PNPLA7: variants seen among roughly 807,000 people sequenced by gnomAD.
PNPLA7 encodes patatin-like phospholipase domain-containing protein 7.
PNPLA7 carries 153 observed loss-of-function variants against 161.7 expected under a neutral mutation model. That is an observed-to-expected ratio of 0.95 (90% CI 0.83 to 1.08). PNPLA7 has a LOEUF of 1.08. PNPLA7 is among the 50% of genes least tolerant of loss of function. The probability of loss-of-function intolerance (pLI) is 0.00; values close to 1 mark genes in which losing one functional copy is unlikely to be tolerated. For missense variants in PNPLA7, 1,739 were observed against 1,856.6 expected (o/e 0.94, Z 1.16); for synonymous variants, 809 against 782.1 (o/e 1.03, Z -0.57).
rs1835963144 is a variant in PNPLA7 at position 137,537,626 on chromosome 9, A to AT, written c.747+3015dup. Among the ~76,000 whole-genome samples the AT allele has an allele frequency of 6.6e-6, 1 of 151,888 alleles. No homozygotes were observed. The highest frequency in any genetic ancestry group is 2.4e-5 in the African/African-American group (1 of 41,330). Reference sequence around the variant, plus strand: ...CACCGTGCTCAGCCAATCACCTCCCATTTTTTACTCCCACTACACTCAGGG... The same window carrying AT: ...CACCGTGCTCAGCCAATCACCTCCCATTTTTTTACTCCCACTACACTCAGGG... On this transcript the variant is annotated intron_variant, in intron 8 of 34. Coordinates refer to ENST00000406427, the MANE Select transcript of PNPLA7 (RefSeq NM_001098537.3). This position sits in a 1 kb window ranked among gnomAD's most constrained non-coding sequence, Gnocchi z 4.5.
chr9:137,543,738 C>T lies in PNPLA7; in HGVS notation c.351G>A (p.Leu117=). 3.7e-6 allele frequency: 6 copies of T among 1,614,116 alleles called. No individual in the cohort carries two copies. Among genetic ancestry groups the T allele is most frequent in the South Asian group, 1.1e-5 (1 of 91,080 alleles). ...RQRARKRTKV[L]SLAKRILRFK... is the part of the protein sequence containing the mutation. ...ACACACAGTACCTCTTGGCCAAAGACAGCACCTTGGTCCTCTTCCTGGCCC... is the reference window on the plus strand; with the variant it reads ...ACACACAGTACCTCTTGGCCAAAGATAGCACCTTGGTCCTCTTCCTGGCCC... The change falls in exon 5 of 35, where the codon CTG becomes CTA. Residue 117 remains leucine, a synonymous_variant. Transcript: ENST00000406427. This position sits in a 1 kb window ranked among gnomAD's most constrained non-coding sequence, Gnocchi z 6.9.
Position 137,550,177 on chromosome 9 carries a change from G to C in PNPLA7, c.21C>G (p.Asp7Glu). ...CCCCCGAGTTACATACCTGTGGGCT[G>C]TCATCTTTCTCTTCCTCCATGGCCA... Reference protein sequence around the residue: MEEEKDDSPQADFCLGT... With the variant: MEEEKDESPQADFCLGT... The change falls in exon 1 of 35, where the codon GAC becomes GAG. Residue 7 changes from aspartate (D) to glutamate (E), a missense_variant. Asp to Glu is a conservative substitution (Grantham distance 45). Coordinates refer to ENST00000406427, the MANE Select transcript of PNPLA7 (RefSeq NM_001098537.3). 1 of 1,612,928 alleles carries C rather than the reference G, an allele frequency of 6.2e-7. No individual in the cohort carries two copies. Among genetic ancestry groups the C allele is most frequent in the Non-Finnish European group, 8.5e-7 (1 of 1,179,736 alleles).
rs1832491038 is a variant in PNPLA7 at position 137,486,505 on chromosome 9, C to T, written c.2198-1769G>A. On this transcript the variant is annotated intron_variant, in intron 20 of 34. Transcript: ENST00000406427. The surrounding 1 kb of genome is among the most constrained non-coding windows in gnomAD (Gnocchi z 6.0). Reference sequence around the variant, plus strand: ...CTCAAGGCCTCCCAAAAGAAAAACACCCGTACCTGTATGCAGGCAGAAACA... The same window carrying T: ...CTCAAGGCCTCCCAAAAGAAAAACATCCGTACCTGTATGCAGGCAGAAACA... Among the ~76,000 whole-genome samples, 1 of 152,160 alleles carries T rather than the reference C, an allele frequency of 6.6e-6. No homozygotes were observed. Among genetic ancestry groups the T allele is most frequent in the African/African-American group, 2.4e-5 (1 of 41,430 alleles).
chr9:137,547,574 G>T lies in PNPLA7; in HGVS notation c.105+11C>A, dbSNP rs1374253522. The T allele has an allele frequency of 1.9e-6, 3 of 1,613,148 alleles. No individual in the cohort carries two copies. The highest frequency in any genetic ancestry group is 2.2e-5 in the East Asian group (1 of 44,888). Reference sequence around the variant, plus strand: ...TCCAGGTCTGGCTCCAGGGAAGCGTGAGGTGATTACCATGGTGGACGGTGA... The same window carrying T: ...TCCAGGTCTGGCTCCAGGGAAGCGTTAGGTGATTACCATGGTGGACGGTGA... On this transcript the variant is annotated intron_variant, in intron 2 of 34. Coordinates refer to ENST00000406427, the MANE Select transcript of PNPLA7 (RefSeq NM_001098537.3). The surrounding 1 kb of genome is among the most constrained non-coding windows in gnomAD (Gnocchi z 4.6).
chr9:137,493,041 C>T lies in PNPLA7; in HGVS notation c.2169G>A (p.Leu723=), dbSNP rs375258991. 37 of 1,613,756 alleles carry T rather than the reference C, an allele frequency of 2.3e-5. No homozygotes were observed. The highest frequency in any genetic ancestry group is 1.1e-4 in the African/African-American group (8 of 74,894). Residue 723 remains leucine, a synonymous_variant, in exon 20 of 35, where the codon CTG becomes CTA. Transcript: ENST00000406427. ...RLIHLLGEKI[L]GSLQQGPVTG... is the part of the protein sequence containing the mutation. ...TCACAGGTCCCTGCTGGAGGCTGCC[C>T]AGGATCTTCTCACCCAAGAGATGAA...
rs779463059 is a variant in PNPLA7, at chr9:137,547,595, G to A, written c.95C>T (p.Pro32Leu). Residue 32 changes from proline to leucine, a missense_variant, in exon 2 of 35, where the codon CCG (proline) becomes CTG (leucine). Physicochemically the swap from Pro to Leu is moderately conservative, Grantham distance 98 (BLOSUM62 -3). Transcript: ENST00000406427. The surrounding 1 kb of genome is among the most constrained non-coding windows in gnomAD (Gnocchi z 4.6). The stretch of plus-strand genomic sequence containing the variant: ...GCGTGAGGTGATTACCATGGTGGAC[G>A]GTGAACCTTCCTCCGTGAACCACAG... ...WGLWFTEEGS[P>L]STMLTGIAVG... 17 of 1,613,142 alleles carry A rather than the reference G, an allele frequency of 1.1e-5. No individual in the cohort carries two copies. The highest frequency in any genetic ancestry group is 8.8e-5 in the South Asian group (8 of 91,090).
At chr9:137,515,655 G>A (rs989715715) in intron 11 of PNPLA7, 136 bp from the exon 12 acceptor site, 26 of 1,113,310 alleles carry the variant, frequency 2.3e-5, no homozygotes, top group African/African-American at 1.5e-4. Flanking sequence ...CCAGCCCACC[G>A]GCCACCAGGC....
At chr9:137,518,057 C>G (rs569600663) in intron 11 of PNPLA7, among the ~76,000 whole-genome samples, 2 of 114,126 alleles carry the variant, frequency 1.8e-5, no homozygotes, top group Non-Finnish European at 1.8e-5. Context: ...CCCACTCACT[C>G]ACTCCACTCT....
At chr9:137,514,452 G>A (rs55829304) in intron 12 of PNPLA7, among the ~76,000 whole-genome samples, 2 of 131,022 alleles carry the variant, frequency 1.5e-5, no homozygotes, top group African/African-American at 3.0e-5. Context: ...GGCTGTGGGT[G>A]GGTCACCTGG....
Position 137,505,911 on chromosome 9 carries a change from C to A in PNPLA7, c.1326+72G>T, listed in dbSNP as rs541184300. 14 of 1,535,778 alleles carry A rather than the reference C, an allele frequency of 9.1e-6. No homozygotes were observed. The South Asian group carries it at 1.4e-4, about 15-fold the overall frequency. ...CACATGACACCAAAGCCGGCGGCGC[C>A]CCCAATGCACCAGCAAGCCACGGAG... On this transcript the variant is annotated intron_variant, in intron 13 of 34. Transcript: ENST00000406427.
At chr9:137,489,992 C>T (rs1288804007) in intron 20 of PNPLA7, among the ~76,000 whole-genome samples, 1 of 152,154 alleles carries the variant, frequency 6.6e-6, no homozygotes, top group Non-Finnish European at 1.5e-5. Flanking sequence ...TATAAACCTA[C>T]GGGTCCAAGA....
intron 1 of PNPLA7, among the ~76,000 whole-genome samples, chr9:137,549,338 C>G (rs547095750): frequency 6.6e-6 from 1 of 151,986 alleles, no homozygotes; most frequent in Non-Finnish European, 1.5e-5. Context: ...GAGGCCAAGG[C>G]GGGCGGATCA....
At chr9:137,478,839 G>T in intron 24 of PNPLA7, 1 of 634,208 alleles carries the variant, frequency 1.6e-6, no homozygotes, top group Non-Finnish European at 2.5e-6. Context: ...GCCGCCCTGT[G>T]CCTGCCCCCA....
chr9:137,521,854 C>A (rs976366560), intron 9 of PNPLA7, 138 bp from the exon 10 acceptor site: 8 of 617,652 alleles, frequency 1.3e-5, no homozygotes, highest in Non-Finnish European at 2.2e-5. Context: ...GGGTGAAAAA[C>A]CCCGCAGACT....
rs1372746894 is a variant in PNPLA7, at chr9:137,467,148, C to G, written c.3039+169G>C. Reference sequence around the variant, plus strand: ...CCACCAACCTGCATCTGTGCCTTCTCTGTGGTGCTCCTTTGCCTCACAAGC... The same window carrying G: ...CCACCAACCTGCATCTGTGCCTTCTGTGTGGTGCTCCTTTGCCTCACAAGC... On this transcript the variant is annotated intron_variant, in intron 26 of 34. Transcript: ENST00000406427. This position sits in a 1 kb window ranked among gnomAD's most constrained non-coding sequence, Gnocchi z 5.1. Among the ~76,000 whole-genome samples the G allele has an allele frequency of 6.6e-6, 1 of 152,252 alleles. No individual in the cohort carries two copies.
intron 22 of PNPLA7, chr9:137,480,726 G>T: frequency 2.8e-6 from 2 of 720,284 alleles, no homozygotes; most frequent in Non-Finnish European, 2.2e-6. Flanking sequence ...GAGACCCGGG[G>T]CTGCCCAGGC....
chr9:137,487,644 A>G (rs541122605), intron 20 of PNPLA7, among the ~76,000 whole-genome samples: 36 of 152,348 alleles, frequency 2.4e-4, no homozygotes, highest in African/African-American at 8.7e-4. Context: ...ACAATGACAG[A>G]CAAGAAAAAT....
chr9:137,477,975 A>C, intron 25 of PNPLA7, 59 bp downstream of exon 25: 1 of 1,244,828 alleles, frequency 8.0e-7, no homozygotes, highest in Non-Finnish European at 1.0e-6. Flanking sequence ...CTAGCACCCG[A>C]GGGGGCGACT....
intron 1 of PNPLA7, among the ~76,000 whole-genome samples, chr9:137,549,366 G>A (rs915973416): frequency 3.9e-5 from 6 of 152,066 alleles, no homozygotes; most frequent in Middle Eastern, 3.2e-3. Context: ...AGGAAATCGA[G>A]ACCATCCTGG....
Sources: gnomAD v4.1 joint callset for allele counts (sites outside exome capture counted in the v4.1 genomes callset) on GRCh38, gnomAD v4.1.1 for gene constraint, Gnocchi (gnomAD v3.1) non-coding constraint, MANE v1.5 for transcripts, NCBI Gene and HGNC (gene_info 2026-07-23, HGNC 2026-07-21) for gene names.